The following RBKS variants were observed in gnomAD, a reference collection of about 807,000 sequenced individuals.
RBKS encodes ribokinase.
A neutral mutation model predicts 33.9 loss-of-function variants in RBKS; 33 were observed. The ratio of observed to expected loss-of-function variants is 0.97; its 90% confidence interval spans 0.74 to 1.30. RBKS has a LOEUF of 1.30. RBKS is among the 50% of genes most tolerant of loss of function. The probability of loss-of-function intolerance (pLI) is 0.00; values close to 1 mark genes in which losing one functional copy is unlikely to be tolerated. For missense variants in RBKS, 361 were observed against 392.6 expected (o/e 0.92, Z 0.68); for synonymous variants, 125 against 143.0 (o/e 0.87, Z 0.90).
intron 2 of RBKS, among the ~76,000 whole-genome samples, chr2:27,850,499 G>A (rs1046531245): frequency 6.6e-6 from 1 of 152,112 alleles, no homozygotes; most frequent in Non-Finnish European, 1.5e-5. Context: ...CTCCCCACTA[G>A]CCTCTGGCAA....
chr2:27,801,145 C>T (rs1430308901), intron 7 of RBKS, among the ~76,000 whole-genome samples: 3 of 152,138 alleles, frequency 2.0e-5, no homozygotes, highest in African/African-American at 7.2e-5. Flanking sequence ...GGCTGGAGGA[C>T]GGGGCAGGCA....
At chr2:27,834,433 A>G (rs1229541996) in intron 5 of RBKS, among the ~76,000 whole-genome samples, 1 of 152,218 alleles carries the variant, frequency 6.6e-6, no homozygotes, top group African/African-American at 2.4e-5. Flanking sequence ...TGTAAAATCT[A>G]ACCTGCTGTA....
chr2:27,792,956 G>A (rs1677566849), intron 7 of RBKS, among the ~76,000 whole-genome samples: 1 of 152,088 alleles, frequency 6.6e-6, no homozygotes. Flanking sequence ...TTTCCTGTTG[G>A]CCTTGCTATA....
intron 1 of RBKS, among the ~76,000 whole-genome samples, chr2:27,884,133 T>A (rs1664477231): frequency 6.6e-6 from 1 of 152,208 alleles, no homozygotes; most frequent in African/African-American, 2.4e-5. Context: ...AAAAGAGATT[T>A]CTCTGTTCTA....
At chr2:27,790,276 A>G (rs889966005) in intron 7 of RBKS, among the ~76,000 whole-genome samples, 4 of 152,146 alleles carry the variant, frequency 2.6e-5, no homozygotes, top group African/African-American at 9.7e-5. Context: ...TAAGAACACA[A>G]ACCCTTACCT....
At chr2:27,792,536 A>G (rs914322454) in intron 7 of RBKS, among the ~76,000 whole-genome samples, 1 of 152,204 alleles carries the variant, frequency 6.6e-6, no homozygotes, top group Non-Finnish European at 1.5e-5. Flanking sequence ...CTTCCACTGA[A>G]TCTATCATCC....
At chr2:27,854,563 G>T (rs1663814335) in intron 2 of RBKS, among the ~76,000 whole-genome samples, 1 of 152,212 alleles carries the variant, frequency 6.6e-6, no homozygotes, top group African/African-American at 2.4e-5. Flanking sequence ...CAATGGCCCA[G>T]AAGTTACCTT....
chr2:27,810,100 A>G lies in RBKS; in HGVS notation c.795+17467T>C. On this transcript the variant is annotated intron_variant, in intron 7 of 7. Transcript: ENST00000302188. The surrounding 1 kb of genome is among the most constrained non-coding windows in gnomAD (Gnocchi z 4.4). Reference sequence around the variant, plus strand: ...TTGTTCTGTGAATCTAACTGCATTGAAAGCTGGTGTGGATGATTCACAACC... The same window carrying G: ...TTGTTCTGTGAATCTAACTGCATTGGAAGCTGGTGTGGATGATTCACAACC... 2 of 1,302,462 alleles carry G rather than the reference A, an allele frequency of 1.5e-6. No individual in the cohort carries two copies. Among genetic ancestry groups the G allele is most frequent in the South Asian group, 1.2e-5 (1 of 80,706 alleles). 80.7% of individuals were successfully genotyped at this position (1,302,462 alleles called of 1,614,324 possible).
chr2:27,810,055 T>C lies in RBKS; in HGVS notation c.795+17512A>G. 7.7e-7 allele frequency: 1 copy of C among 1,304,124 alleles called. No homozygotes were observed. The highest frequency in any genetic ancestry group is 1.0e-6 in the Non-Finnish European group (1 of 988,926). The allele number at this position is 1,304,124 out of a possible 1,614,324, so 80.8% of individuals were successfully genotyped here. On this transcript the variant is annotated intron_variant, in intron 7 of 7. Transcript: ENST00000302188. This position sits in a 1 kb window ranked among gnomAD's most constrained non-coding sequence, Gnocchi z 4.4. ...TTGAGCCAGGTCTACACTGTGAAAA[T>C]GAAGGAAGGAACTGAGCAATTGTTC...
At chr2:27,828,285 G>C (rs1678356707) in intron 6 of RBKS, among the ~76,000 whole-genome samples, 1 of 151,500 alleles carries the variant, frequency 6.6e-6, no homozygotes, top group Non-Finnish European at 1.5e-5. Flanking sequence ...GGGCAACAAA[G>C]AGAAGTCTAC....
intron 4 of RBKS, among the ~76,000 whole-genome samples, chr2:27,846,001 G>A (rs1663613257): frequency 2.0e-5 from 3 of 151,516 alleles, no homozygotes; most frequent in Non-Finnish European, 2.9e-5. Context: ...TTGCTCCGTC[G>A]TCGCCCAGGC....
intron 5 of RBKS, among the ~76,000 whole-genome samples, chr2:27,839,080 G>A (rs1663404771): frequency 6.6e-6 from 1 of 152,076 alleles, no homozygotes; most frequent in Non-Finnish European, 1.5e-5. Context: ...GAGCATGTTG[G>A]GACACTCAAA....
intron 1 of RBKS, among the ~76,000 whole-genome samples, chr2:27,883,200 CTTTT>C (rs906350551): frequency 2.8e-5 from 4 of 140,412 alleles, no homozygotes; most frequent in Admixed American, 7.1e-5. Context: ...CTGCAGTATT[CTTTT>C]TTTTTTTTTT....
intron 7 of RBKS, among the ~76,000 whole-genome samples, chr2:27,801,689 C>A (rs1558536302): frequency 6.6e-6 from 1 of 151,836 alleles, no homozygotes; most frequent in Non-Finnish European, 1.5e-5. Context: ...TTAACTGGCT[C>A]ATGGTTTTGC....
rs368946256 is a variant in RBKS, at chr2:27,789,986, T to TAGAGAG, written c.796-8204_796-8199dup. Reference sequence around the variant, plus strand: ...ATATATATATATGTATATATATATGTAGAGAGAGAGAGAGAGAGAGAGAGA... The same window carrying TAGAGAG: ...ATATATATATATGTATATATATATGTAGAGAGAGAGAGAGAGAGAGAGAGAGAGAGA... On this transcript the variant is annotated intron_variant, in intron 7 of 7. Transcript: ENST00000302188. Among the ~76,000 whole-genome samples the TAGAGAG allele has an allele frequency of 2.9e-3, 375 of 130,920 alleles. 2 individuals are homozygous for TAGAGAG. The highest frequency in any genetic ancestry group is 8.7e-3 in the African/African-American group (294 of 33,948). 85.9% of individuals were successfully genotyped at this position (130,920 alleles called of 152,430 possible). A position where few individuals can be genotyped will look rare whatever the true frequency, so the allele number is the denominator to read the frequency against.
intron 7 of RBKS, chr2:27,809,626 T>C: frequency 4.1e-6 from 1 of 246,244 alleles, no homozygotes; most frequent in Non-Finnish European, 8.1e-6. Context: ...ACCCCACTAT[T>C]CTAGACAGAA....
intron 2 of RBKS, 127 bp from the exon 3 acceptor site, chr2:27,848,224 ATCT>A (rs1331402828): frequency 3.6e-6 from 2 of 557,710 alleles, no homozygotes; most frequent in South Asian, 2.5e-5. Flanking sequence ...TAACTAATTA[ATCT>A]TCTTAATATA....
At chr2:27,799,379 CT>C (rs1025134902) in intron 7 of RBKS, among the ~76,000 whole-genome samples, 2 of 152,190 alleles carry the variant, frequency 1.3e-5, no homozygotes, top group African/African-American at 4.8e-5. Context: ...ACTACCCAAA[CT>C]GCCGAGGGAC....
chr2:27,824,636 G>T (rs1029542397), intron 7 of RBKS, among the ~76,000 whole-genome samples: 2 of 152,130 alleles, frequency 1.3e-5, no homozygotes, highest in Non-Finnish European at 2.9e-5. Context: ...GATAAACACT[G>T]GGTTCTTTCC....
Sources: gnomAD v4.1 joint callset for allele counts (sites outside exome capture counted in the v4.1 genomes callset) on GRCh38, gnomAD v4.1.1 for gene constraint, Gnocchi (gnomAD v3.1) non-coding constraint, MANE v1.5 for transcripts, NCBI Gene and HGNC (gene_info 2026-07-23, HGNC 2026-07-21) for gene names.